PCDH7: variants seen among roughly 807,000 people sequenced by gnomAD.
PCDH7 encodes the protein protocadherin 7.
In PCDH7, 17 loss-of-function variants were observed where a neutral mutation model predicts 58.9. That is an observed-to-expected ratio of 0.29 (90% CI 0.20 to 0.43). The LOEUF (loss-of-function observed/expected upper bound fraction) is 0.43, where lower values mean the gene tolerates loss of function less well. Among genes scored for constraint, PCDH7 ranks in the 20% least tolerant of loss-of-function variants. PCDH7 has a pLI of 1.00. For synonymous variants in PCDH7, 664 were observed against 616.4 expected, an observed-to-expected ratio of 1.08 and a Z score of -1.14; for missense variants, 1,274 against 1,441.0, an observed-to-expected ratio of 0.88 and a Z score of 1.88.
downstream of PCDH7, among the ~76,000 whole-genome samples, chr4:30,737,293 C>CT (rs1413900536): frequency 6.6e-6 from 1 of 152,170 alleles, no homozygotes. Context: ...TTCTAATTAT[C>CT]TATGAATTTC....
chr4:30,766,740 C>G (rs1720804298), intron 1 of PCDH7, among the ~76,000 whole-genome samples: 1 of 151,850 alleles, frequency 6.6e-6, no homozygotes, highest in Non-Finnish European at 1.5e-5. Context: ...AAAGTATTTT[C>G]TATACTTTAG....
At chr4:31,012,924 C>G (rs1372568609) in intron 3 of PCDH7, among the ~76,000 whole-genome samples, 2 of 148,960 alleles carry the variant, frequency 1.3e-5, no homozygotes, top group African/African-American at 4.9e-5. Context: ...GCAGGAGAAT[C>G]CTTTGAGTTC....
Position 31,013,309 on chromosome 4 carries a change from T to G in PCDH7, c.*7+63094T>G, listed in dbSNP as rs929799459. On this transcript the variant is annotated intron_variant, in intron 3 of 3. Transcript: ENST00000509759. ...GTGTACATATATCTAAGACTATATA[T>G]GTATACACACACACACATACACACA... Among the ~76,000 whole-genome samples the G allele has an allele frequency of 3.1e-4, 47 of 151,844 alleles. 1 individual carries two copies. Among genetic ancestry groups the G allele is most frequent in the African/African-American group, 1.0e-3 (42 of 41,530 alleles).
At chr4:31,037,109 A>G (rs1755475302) in intron 3 of PCDH7, among the ~76,000 whole-genome samples, 1 of 152,098 alleles carries the variant, frequency 6.6e-6, no homozygotes, top group African/African-American at 2.4e-5. Flanking sequence ...TCAATACCTT[A>G]CTACCATCTT....
intron 3 of PCDH7, among the ~76,000 whole-genome samples, chr4:31,053,397 A>G (rs186894902): frequency 2.0e-5 from 3 of 152,096 alleles, no homozygotes; most frequent in South Asian, 4.2e-4. Flanking sequence ...ATGATACATC[A>G]TCCTTCCATC....
intron 1 of PCDH7, among the ~76,000 whole-genome samples, chr4:30,784,485 C>T (rs1723158130): frequency 6.6e-6 from 1 of 152,066 alleles, no homozygotes; most frequent in Admixed American, 6.6e-5. Flanking sequence ...ACGTGGACTT[C>T]ATTATGCTGC....
chr4:31,004,610 C>G (rs1465715054), intron 3 of PCDH7, among the ~76,000 whole-genome samples: 1 of 151,950 alleles, frequency 6.6e-6, no homozygotes, highest in African/African-American at 2.4e-5. Flanking sequence ...CGCTTGAACC[C>G]GGGAGGTGGA....
chr4:31,112,753 T>C (rs1446684573), intron 3 of PCDH7, among the ~76,000 whole-genome samples: 1 of 152,200 alleles, frequency 6.6e-6, no homozygotes, highest in Non-Finnish European at 1.5e-5. Flanking sequence ...ACCTGGTATA[T>C]TATCTTGAAA....
intron 1 of PCDH7, among the ~76,000 whole-genome samples, chr4:30,862,887 A>G (rs544585470): frequency 2.0e-5 from 3 of 152,206 alleles, no homozygotes; most frequent in South Asian, 4.1e-4. Flanking sequence ...GTCGCCCTGA[A>G]CCACATGATT....
chr4:31,094,683 C>G (rs989645791), intron 3 of PCDH7, among the ~76,000 whole-genome samples: 1 of 152,062 alleles, frequency 6.6e-6, no homozygotes, highest in Admixed American at 6.6e-5. Flanking sequence ...AAAACCTGCC[C>G]TTCGTCCAGA....
chr4:31,016,927 GGT>G (rs1753664371), intron 3 of PCDH7, among the ~76,000 whole-genome samples: 2 of 149,186 alleles, frequency 1.3e-5, no homozygotes, highest in East Asian at 4.0e-4. Flanking sequence ...GTGTGTACTG[GGT>G]GTGTGTGCAT....
chr4:30,910,886 G>C (rs9990832), intron 1 of PCDH7, among the ~76,000 whole-genome samples: 105,594 of 152,000 alleles, frequency 0.69, 36,939 homozygotes, highest in African/African-American at 0.79. Flanking sequence ...CTATTCACAA[G>C]AGTGAAGACT....
chr4:30,907,204 A>G (rs192442527), intron 1 of PCDH7, among the ~76,000 whole-genome samples: 63 of 152,278 alleles, frequency 4.1e-4, no homozygotes, highest in Non-Finnish European at 7.9e-4. Context: ...GACCTCCAGC[A>G]GGGGAGTTAA....
intron 1 of PCDH7, among the ~76,000 whole-genome samples, chr4:30,898,272 A>T (rs1215330434): frequency 6.6e-6 from 1 of 152,166 alleles, no homozygotes; most frequent in Non-Finnish European, 1.5e-5. Flanking sequence ...GGAATTTTAA[A>T]ACCCGAAGGA....
chr4:30,773,710 C>G (rs1265236514), intron 1 of PCDH7, among the ~76,000 whole-genome samples: 1 of 152,058 alleles, frequency 6.6e-6, no homozygotes, highest in Admixed American at 6.6e-5. Flanking sequence ...TGCTGTCTCT[C>G]CAGCCACTAA....
chr4:30,808,271 G>A (rs549413746), intron 1 of PCDH7, among the ~76,000 whole-genome samples: 1 of 152,100 alleles, frequency 6.6e-6, no homozygotes, highest in Non-Finnish European at 1.5e-5. Flanking sequence ...AAAATATTCG[G>A]TAATTTTTCT....
intron 3 of PCDH7, among the ~76,000 whole-genome samples, chr4:30,955,801 G>A (rs968221487): frequency 6.6e-6 from 1 of 151,184 alleles, no homozygotes; most frequent in Non-Finnish European, 1.5e-5. Context: ...GTCCCGCCCC[G>A]GCCTCTCAAA....
chr4:31,091,650 A>G (rs1397892068), intron 3 of PCDH7, among the ~76,000 whole-genome samples: 1 of 151,892 alleles, frequency 6.6e-6, no homozygotes, highest in Non-Finnish European at 1.5e-5. Flanking sequence ...AATTTGATGA[A>G]AAAGAATTTT....
intron 1 of PCDH7, among the ~76,000 whole-genome samples, chr4:30,787,176 A>C (rs1360530512): frequency 1.3e-5 from 2 of 152,026 alleles, no homozygotes; most frequent in African/African-American, 2.4e-5. Context: ...GAGTGTGGAT[A>C]TGTATCTTGT....
Sources: gnomAD v4.1 joint callset for allele counts (sites outside exome capture counted in the v4.1 genomes callset) on GRCh38, gnomAD v4.1.1 for gene constraint, MANE v1.5 for transcripts, NCBI Gene and HGNC (gene_info 2026-07-23, HGNC 2026-07-21) for gene names.